RCAN2: variants seen among roughly 807,000 people sequenced by gnomAD.
RCAN2 encodes the protein regulator of calcineurin 2.
A neutral mutation model predicts 23.6 loss-of-function variants in RCAN2; 9 were observed. The observed-to-expected ratio is 0.38, with a 90% CI of 0.23 to 0.67. The LOEUF (loss-of-function observed/expected upper bound fraction) is 0.67. Ranked by LOEUF, RCAN2 falls within the 30% of genes least tolerant of loss-of-function variation. The pLI, the probability that RCAN2 is intolerant of heterozygous loss-of-function variation, is 0.51. For missense variants in RCAN2, 273 were observed against 302.3 expected, an observed-to-expected ratio of 0.90 and a Z score of 0.72; for synonymous variants, 109 against 115.7, an observed-to-expected ratio of 0.94 and a Z score of 0.37.
intron 2 of RCAN2, among the ~76,000 whole-genome samples, chr6:46,370,549 G>T (rs1019220727): frequency 6.6e-6 from 1 of 152,170 alleles, no homozygotes; most frequent in African/African-American, 2.4e-5. Context: ...TGTGACTTCT[G>T]CTTCCTCCCG....
At chr6:46,228,784 T>A (rs1290425416) in intron 4 of RCAN2, among the ~76,000 whole-genome samples, 1 of 152,220 alleles carries the variant, frequency 6.6e-6, no homozygotes, top group African/African-American at 2.4e-5. Context: ...CATTTAACAT[T>A]GTTATGTGTG....
At chr6:46,225,941 C>T (rs1765649268) in intron 4 of RCAN2, among the ~76,000 whole-genome samples, 1 of 152,144 alleles carries the variant, frequency 6.6e-6, no homozygotes, top group South Asian at 2.1e-4. Flanking sequence ...AGTCTTTAAT[C>T]CATCTTGAAT....
chr6:46,479,734 C>T (rs1768806039), intron 1 of RCAN2, among the ~76,000 whole-genome samples: 2 of 152,062 alleles, frequency 1.3e-5, no homozygotes, highest in Non-Finnish European at 2.9e-5. Context: ...AGGCACTCAC[C>T]TCCATGCCTG....
chr6:46,294,090 A>G (rs1445388595), intron 2 of RCAN2, among the ~76,000 whole-genome samples: 1 of 152,174 alleles, frequency 6.6e-6, no homozygotes, highest in Non-Finnish European at 1.5e-5. Context: ...AGTTATAGGG[A>G]ATGATACAGG....
chr6:46,408,275 C>T (rs1416093646), intron 2 of RCAN2, among the ~76,000 whole-genome samples: 7 of 152,136 alleles, frequency 4.6e-5, no homozygotes, highest in Non-Finnish European at 5.9e-5. Flanking sequence ...TAGAGCCATC[C>T]GATATGAGGC....
intron 4 of RCAN2, among the ~76,000 whole-genome samples, chr6:46,240,007 AG>A (rs1766246934): frequency 6.6e-6 from 1 of 152,164 alleles, no homozygotes; most frequent in Admixed American, 6.5e-5. Context: ...GGGAAGATAA[AG>A]AGGGAGAGCG....
intron 2 of RCAN2, among the ~76,000 whole-genome samples, chr6:46,286,941 G>A (rs1176509470): frequency 6.6e-6 from 1 of 152,034 alleles, no homozygotes; most frequent in Non-Finnish European, 1.5e-5. Flanking sequence ...GGAGGTGGAG[G>A]TTGCGGTGAG....
intron 2 of RCAN2, among the ~76,000 whole-genome samples, chr6:46,431,846 A>G (rs942479704): frequency 3.3e-5 from 5 of 152,228 alleles, no homozygotes; most frequent in Non-Finnish European, 7.3e-5. Flanking sequence ...CAGTATCAGA[A>G]TAATTTCATT....
intron 2 of RCAN2, among the ~76,000 whole-genome samples, chr6:46,338,688 C>T (rs1391655718): frequency 6.6e-6 from 1 of 152,152 alleles, no homozygotes; most frequent in African/African-American, 2.4e-5. Context: ...AATTATACCA[C>T]TCCCCTGGTT....
chr6:46,480,874 G>A (rs1050132546), intron 1 of RCAN2, among the ~76,000 whole-genome samples: 3 of 152,062 alleles, frequency 2.0e-5, no homozygotes, highest in Non-Finnish European at 2.9e-5. Context: ...CGCCCGCCTC[G>A]GCCTCCCAAA....
intron 2 of RCAN2, among the ~76,000 whole-genome samples, chr6:46,332,763 A>G (rs1764020572): frequency 6.6e-6 from 1 of 152,158 alleles, no homozygotes. Context: ...GTGCTGCAAT[A>G]AACATATGTG....
chr6:46,248,324 G>C (rs1766590031), intron 3 of RCAN2, among the ~76,000 whole-genome samples: 1 of 152,208 alleles, frequency 6.6e-6, no homozygotes, highest in Non-Finnish European at 1.5e-5. Context: ...TTATAACCCT[G>C]ATAGGAAGGT....
At chr6:46,461,265 C>T (rs971137109) in intron 1 of RCAN2, among the ~76,000 whole-genome samples, 4 of 152,070 alleles carry the variant, frequency 2.6e-5, no homozygotes, top group Admixed American at 1.3e-4. Flanking sequence ...GAGCAGTTCC[C>T]TGTGTGATTA....
At chr6:46,419,611 A>G (rs1468606307) in intron 2 of RCAN2, among the ~76,000 whole-genome samples, 2 of 152,208 alleles carry the variant, frequency 1.3e-5, no homozygotes, top group African/African-American at 4.8e-5. Context: ...TTTAATCTCA[A>G]TTTAGTATTA....
chr6:46,227,669 T>C (rs60288508), intron 4 of RCAN2, among the ~76,000 whole-genome samples: 25,901 of 152,186 alleles, frequency 0.17, 2,358 homozygotes, highest in Middle Eastern at 0.3. Flanking sequence ...TTGATTCTTC[T>C]CTCTTTTCTT....
chr6:46,368,652 T>C (rs958211252), intron 2 of RCAN2, among the ~76,000 whole-genome samples: 1 of 151,694 alleles, frequency 6.6e-6, no homozygotes. Flanking sequence ...CATTTTTGTA[T>C]GTAAACATAT....
At chr6:46,474,774 G>A (rs1768667127) in intron 1 of RCAN2, among the ~76,000 whole-genome samples, 1 of 152,178 alleles carries the variant, frequency 6.6e-6, no homozygotes, top group South Asian at 2.1e-4. Flanking sequence ...CAAAAGTTCA[G>A]TTCCAAAGGG....
chr6:46,299,393 T>A (rs1278800887), intron 2 of RCAN2, among the ~76,000 whole-genome samples: 4 of 151,980 alleles, frequency 2.6e-5, no homozygotes, highest in Admixed American at 1.3e-4. Context: ...TAGTGCAGAG[T>A]TACTTTCAGC....
In RCAN2 at chr6:46,418,695, G is replaced by GTATATATATA. The variant is rs70996369; in HGVS notation, c.225+38047_225+38056dup. ...AATCATCTCTAAAATATGTGTGTGT[G>GTATATATATA]TATATATATATATATATATATATAT... On this transcript the variant is annotated intron_variant, in intron 2 of 4. Coordinates refer to ENST00000371374, the MANE Select transcript of RCAN2 (RefSeq NM_001251974.2). 5.4e-3 allele frequency among the ~76,000 whole-genome samples: 651 copies of GTATATATATA among 121,214 alleles called. 6 individuals carry two copies. Among genetic ancestry groups the GTATATATATA allele is most frequent in the South Asian group, 0.012 (42 of 3,400 alleles). 79.5% of individuals were successfully genotyped at this position (121,214 alleles called of 152,430 possible).
Sources: allele counts gnomAD v4.1 joint callset (sites outside exome capture counted in the v4.1 genomes callset), GRCh38; gene constraint gnomAD v4.1.1; transcripts MANE v1.5; gene names NCBI Gene and HGNC (gene_info 2026-07-23, HGNC 2026-07-21).